Variants in IL2RA observed in about 807,000 individuals in gnomAD.
IL2RA encodes the protein interleukin-2 receptor subunit alpha.
Under a neutral mutation model 37.8 loss-of-function variants are expected in IL2RA, and 24 were observed. The observed-to-expected ratio is 0.63, with a 90% CI of 0.46 to 0.89. The LOEUF is 0.89. Among genes scored for constraint, IL2RA ranks in the 40% least tolerant of loss-of-function variants. The pLI, the probability that IL2RA is intolerant of heterozygous loss-of-function variation, is 0.00. For missense variants in IL2RA, 319 were observed against 348.6 expected (o/e 0.92, Z 0.68); for synonymous variants, 125 against 114.6 (o/e 1.09, Z -0.58).
intron 1 of IL2RA, among the ~76,000 whole-genome samples, chr10:6,059,805 C>A (rs752702033): frequency 6.6e-6 from 1 of 152,132 alleles, no homozygotes; most frequent in African/African-American, 2.4e-5. Context: ...CCTCATGAAG[C>A]CTTCTCTGAT....
In IL2RA at chr10:6,033,405, A is replaced by G. The variant is rs190047849; in HGVS notation, c.65-7380T>C. Among the ~76,000 whole-genome samples, 40 of 152,296 alleles carry G rather than the reference A, an allele frequency of 2.6e-4. No individual in the cohort carries two copies. The East Asian group carries it at 7.5e-3, about 29-fold the overall frequency. ...CAATTCAGCAATTCTACTTCTAGGTATTTATCTAAGAGGAATGAAGGGATG... is the reference window on the plus strand; with the variant it reads ...CAATTCAGCAATTCTACTTCTAGGTGTTTATCTAAGAGGAATGAAGGGATG... On this transcript the variant is annotated intron_variant, in intron 1 of 7. Transcript: ENST00000379959. The surrounding 1 kb of genome is among the most constrained non-coding windows in gnomAD (Gnocchi z 4.3).
rs1056837693 is a variant in IL2RA, at chr10:6,021,979, G to A, written c.368-286C>T. Among the ~76,000 whole-genome samples, 4 of 152,194 alleles carry A rather than the reference G, an allele frequency of 2.6e-5. No individual in the cohort carries two copies. Among genetic ancestry groups the A allele is most frequent in the Non-Finnish European group, 4.4e-5 (3 of 68,036 alleles). On this transcript the variant is annotated intron_variant, in intron 3 of 7. Coordinates refer to ENST00000379959, the MANE Select transcript of IL2RA (RefSeq NM_000417.3). The surrounding 1 kb of genome is among the most constrained non-coding windows in gnomAD (Gnocchi z 4.9). ...TGGCAATGGGAACACAGAGGAATGA[G>A]CGATTCATTCTGGTTGGTGCGGCCC...
intron 7 of IL2RA, 106 bp from the exon 8 acceptor site, chr10:6,013,002 G>C (rs1006156076): frequency 2.8e-6 from 3 of 1,055,832 alleles, no homozygotes; most frequent in Non-Finnish European, 4.4e-6. Context: ...GCTAATTTTT[G>C]TATTTTTAGT....
chr10:6,027,271 G>A (rs908749600), intron 1 of IL2RA, among the ~76,000 whole-genome samples: 2 of 151,828 alleles, frequency 1.3e-5, no homozygotes, highest in South Asian at 4.2e-4. Context: ...GGTTGCAGTG[G>A]GCCGAGATCA....
Position 6,021,713 on chromosome 10 carries a change from C to T in IL2RA, c.368-20G>A. ...AGTGACCTGGAAGATGGAAGGAATG[C>T]TCTGAAGGCAAGTTGGGGACAGCAC... On this transcript the variant is annotated intron_variant, in intron 3 of 7. Coordinates refer to ENST00000379959, the MANE Select transcript of IL2RA (RefSeq NM_000417.3). The surrounding 1 kb of genome is among the most constrained non-coding windows in gnomAD (Gnocchi z 4.9). 1 of 1,609,538 alleles carries T rather than the reference C, an allele frequency of 6.2e-7. No individual in the cohort carries two copies. The highest frequency in any genetic ancestry group is 8.5e-7 in the Non-Finnish European group (1 of 1,176,048).
At chr10:6,037,835 G>C (rs1252680624) in intron 1 of IL2RA, among the ~76,000 whole-genome samples, 2 of 152,154 alleles carry the variant, frequency 1.3e-5, no homozygotes, top group African/African-American at 4.8e-5. Flanking sequence ...ATCTCTGTGG[G>C]AGACTGGAAA....
intron 3 of IL2RA, among the ~76,000 whole-genome samples, chr10:6,023,249 C>T (rs918409766): frequency 2.0e-5 from 3 of 152,194 alleles, no homozygotes; most frequent in African/African-American, 7.2e-5. Context: ...GTAAAATCAG[C>T]AAAGGGCTCT....
At position 6,018,271 on chromosome 10, in the gene IL2RA, C is replaced by T. The variant is rs56032961; in HGVS notation, c.728-152G>A. On this transcript the variant is annotated intron_variant, in intron 6 of 7. Transcript: ENST00000379959. This position sits in a 1 kb window ranked among gnomAD's most constrained non-coding sequence, Gnocchi z 5.1. ...CTGTCTCAGGAAGTAGGTCCCTCCC[C>T]ATGGGATTTCCTAGGAGTCTTGAGG... 2.9e-6 allele frequency: 2 copies of T among 688,764 alleles called. No individual in the cohort carries two copies. The highest frequency in any genetic ancestry group is 5.3e-6 in the Non-Finnish European group (2 of 374,360). 42.7% of individuals were successfully genotyped at this position (688,764 alleles called of 1,614,324 possible).
In IL2RA at chr10:6,012,718, G is replaced by A; in HGVS notation, c.*154C>T. The A allele has an allele frequency of 1.3e-6, 1 of 781,232 alleles. No homozygotes were observed. Among genetic ancestry groups the A allele is most frequent in the Non-Finnish European group, 2.3e-6 (1 of 439,886 alleles). The allele number at this position is 781,232 out of a possible 1,614,324, so 48.4% of individuals were successfully genotyped here. A position where few individuals can be genotyped will look rare whatever the true frequency, so the allele number is the denominator to read the frequency against. ...AGAGACAAGGTTGCCACTGCCCCGT[G>A]TCCTGTGATGTGACTTCAGAGCTTC... On this transcript the variant is annotated 3_prime_UTR_variant, in exon 8 of 8. Coordinates refer to ENST00000379959, the MANE Select transcript of IL2RA (RefSeq NM_000417.3). The surrounding 1 kb of genome is among the most constrained non-coding windows in gnomAD (Gnocchi z 4.8).
intron 1 of IL2RA, among the ~76,000 whole-genome samples, chr10:6,049,557 C>A (rs1293912327): frequency 6.6e-6 from 1 of 152,198 alleles, no homozygotes; most frequent in Non-Finnish European, 1.5e-5. Context: ...ACCTTCTTAA[C>A]TCCTGCTTTC....
intron 1 of IL2RA, among the ~76,000 whole-genome samples, chr10:6,041,248 G>A (rs1017917293): frequency 6.6e-6 from 1 of 151,688 alleles, no homozygotes; most frequent in Non-Finnish European, 1.5e-5. Flanking sequence ...CCGAGTAGCT[G>A]GGACTGCAGG....
chr10:6,017,041 A>G (rs777302022), intron 7 of IL2RA: 13 of 161,486 alleles, frequency 8.1e-5, no homozygotes, highest in East Asian at 3.2e-4. Context: ...CCCTCTTGTA[A>G]ACCTCTCTTA....
chr10:6,037,864 G>C lies in IL2RA; in HGVS notation c.65-11839C>G, dbSNP rs868642250. Among the ~76,000 whole-genome samples, 11 of 152,154 alleles carry C rather than the reference G, an allele frequency of 7.2e-5. 1 individual carries two copies. Among genetic ancestry groups the C allele is most frequent in the Admixed American group, 2.6e-4 (4 of 15,276 alleles). On this transcript the variant is annotated intron_variant, in intron 1 of 7. Transcript: ENST00000379959. ...CTGGAAAGAGGACGCTGGAGCCAGA[G>C]GCTATCTTTGATAGTGAGGTGAGGT...
intron 1 of IL2RA, chr10:6,039,566 T>C (rs897558866): frequency 6.6e-6 from 1 of 151,990 alleles, no homozygotes; most frequent in African/African-American, 2.4e-5. Context: ...TACAAGGCAG[T>C]AGAGGAGTTG....
At position 6,046,916 on chromosome 10, in the gene IL2RA, G is replaced by C. The variant is rs768182447; in HGVS notation, c.64+15172C>G. Among the ~76,000 whole-genome samples, 8 of 152,174 alleles carry C rather than the reference G, an allele frequency of 5.3e-5. No individual in the cohort carries two copies. The highest frequency in any genetic ancestry group is 1.0e-4 in the Non-Finnish European group (7 of 68,034). ...GTGGCCACGTTTCCTAAGGACATGG[G>C]AACTTAAGATGCAGGCAGGGATCCC... On this transcript the variant is annotated intron_variant, in intron 1 of 7. Transcript: ENST00000379959. This position sits in a 1 kb window ranked among gnomAD's most constrained non-coding sequence, Gnocchi z 4.8.
intron 1 of IL2RA, among the ~76,000 whole-genome samples, chr10:6,031,433 G>T (rs1182514539): frequency 9.5e-6 from 1 of 105,316 alleles, no homozygotes; most frequent in African/African-American, 3.5e-5. Flanking sequence ...TAGCAAGTTA[G>T]CAATTTCAGT....
In IL2RA at chr10:6,021,750, C is replaced by G; in HGVS notation, c.368-57G>C. 6.9e-7 allele frequency: 1 copy of G among 1,442,766 alleles called. No homozygotes were observed. The highest frequency in any genetic ancestry group is 9.7e-7 in the Non-Finnish European group (1 of 1,026,618). The allele number at this position is 1,442,766 out of a possible 1,614,324, so 89.4% of individuals were successfully genotyped here. On this transcript the variant is annotated intron_variant, in intron 3 of 7. Coordinates refer to ENST00000379959, the MANE Select transcript of IL2RA (RefSeq NM_000417.3). The surrounding 1 kb of genome is among the most constrained non-coding windows in gnomAD (Gnocchi z 4.9). The stretch of plus-strand genomic sequence containing the variant: ...GTTGGGGACAGCACCGCGAGTGAGT[C>G]CAGGTTGCCTCTTGCTAGGGACTGG...
At chr10:6,027,109 G>A (rs949310788) in intron 1 of IL2RA, among the ~76,000 whole-genome samples, 1 of 152,160 alleles carries the variant, frequency 6.6e-6, no homozygotes, top group Non-Finnish European at 1.5e-5. Context: ...ATCACATGAG[G>A]TCAGCAGTTC....
chr10:6,017,906 T>C (rs1839305401), intron 7 of IL2RA, 147 bp downstream of exon 7: 1 of 716,976 alleles, frequency 1.4e-6, no homozygotes, highest in East Asian at 2.7e-5. Context: ...ACTGACTCTT[T>C]CCGAGGCATG....
Sources: allele counts gnomAD v4.1 joint callset (sites outside exome capture counted in the v4.1 genomes callset), GRCh38; gene constraint gnomAD v4.1.1; non-coding constraint Gnocchi (gnomAD v3.1); transcripts MANE v1.5; gene names NCBI Gene and HGNC (gene_info 2026-07-23, HGNC 2026-07-21).